The following HDAC9 variants were observed in gnomAD, a reference collection of about 807,000 sequenced individuals.
HDAC9 encodes histone deacetylase 9.
A neutral mutation model predicts 139.4 loss-of-function variants in HDAC9; 41 were observed. The observed-to-expected ratio is 0.29, with a 90% CI of 0.23 to 0.38. HDAC9 has a LOEUF of 0.38. Among genes scored for constraint, HDAC9 ranks in the 10% least tolerant of loss-of-function variants. HDAC9 has a pLI of 1.00. For missense variants in HDAC9, 1,147 were observed against 1,297.0 expected (o/e 0.88, Z 1.78); for synonymous variants, 517 against 476.2 (o/e 1.09, Z -1.12).
intron 1 of HDAC9, among the ~76,000 whole-genome samples, chr7:18,392,254 TTCTA>T (rs1786558370): frequency 7.2e-6 from 1 of 138,240 alleles, no homozygotes; most frequent in African/African-American, 2.7e-5. Context: ...TACATTCTCT[TTCTA>T]TCTCTGTCTC....
At chr7:18,716,047 C>T (rs371431464) in intron 12 of HDAC9, among the ~76,000 whole-genome samples, 17 of 152,296 alleles carry the variant, frequency 1.1e-4, no homozygotes, top group South Asian at 6.2e-4. Flanking sequence ...TATATCCAGA[C>T]TCTAATTATC....
At chr7:18,937,363 T>A (rs1048422362) in intron 23 of HDAC9, among the ~76,000 whole-genome samples, 16 of 152,242 alleles carry the variant, frequency 1.1e-4, no homozygotes, top group African/African-American at 3.4e-4. Context: ...GACAGCACAG[T>A]AACTCAAAGG....
intron 1 of HDAC9, among the ~76,000 whole-genome samples, chr7:18,380,114 A>G (rs1464637179): frequency 6.6e-6 from 1 of 152,260 alleles, no homozygotes; most frequent in East Asian, 1.9e-4. Flanking sequence ...ATCAAATTTT[A>G]CTTTAAAAGG....
intron 2 of HDAC9, among the ~76,000 whole-genome samples, chr7:18,258,720 T>C (rs1385632922): frequency 6.6e-6 from 1 of 152,216 alleles, no homozygotes; most frequent in Non-Finnish European, 1.5e-5. Flanking sequence ...AAATTCAGTT[T>C]ACACTTCTGA....
chr7:18,578,441 G>T (rs896244045), intron 2 of HDAC9, among the ~76,000 whole-genome samples: 1 of 152,120 alleles, frequency 6.6e-6, no homozygotes, highest in Non-Finnish European at 1.5e-5. Context: ...CAGTAGCTTT[G>T]CTCTGTAGGC....
At chr7:18,422,302 A>C (rs1789692458) in intron 1 of HDAC9, among the ~76,000 whole-genome samples, 1 of 152,144 alleles carries the variant, frequency 6.6e-6, no homozygotes, top group Non-Finnish European at 1.5e-5. Context: ...TAAAGGAAAC[A>C]CGGTCTAGTT....
chr7:18,969,746 A>G (rs148435619), intron 24 of HDAC9, among the ~76,000 whole-genome samples: 310 of 152,342 alleles, frequency 2.0e-3, no homozygotes, highest in African/African-American at 7.0e-3. Context: ...CATATTATGC[A>G]GTACAGAAGA....
intron 1 of HDAC9, among the ~76,000 whole-genome samples, chr7:18,332,499 T>C (rs1234526111): frequency 6.6e-6 from 1 of 151,444 alleles, no homozygotes; most frequent in Admixed American, 6.6e-5. Context: ...AAATTAAAAA[T>C]ACTTAAAATT....
chr7:18,561,758 T>C (rs1820685121), intron 2 of HDAC9, among the ~76,000 whole-genome samples: 1 of 152,224 alleles, frequency 6.6e-6, no homozygotes, highest in Admixed American at 6.5e-5. Context: ...TTACCCATAT[T>C]GTAGCATGTA....
chr7:18,990,092 G>T (rs969177463), intron 25 of HDAC9, among the ~76,000 whole-genome samples: 50 of 152,142 alleles, frequency 3.3e-4, no homozygotes, highest in Non-Finnish European at 6.6e-4. Context: ...TTCCATTGCT[G>T]GTGAGGAACT....
intron 2 of HDAC9, among the ~76,000 whole-genome samples, chr7:18,259,619 C>G (rs974998916): frequency 7.2e-5 from 11 of 152,174 alleles, no homozygotes; most frequent in Non-Finnish European, 1.5e-4. Context: ...CCTACCTCAG[C>G]CTCCCAAAGT....
intron 17 of HDAC9, among the ~76,000 whole-genome samples, chr7:18,814,240 G>T (rs1020839668): frequency 2.0e-5 from 3 of 152,012 alleles, no homozygotes; most frequent in Non-Finnish European, 2.9e-5. Context: ...GGGAAATAAT[G>T]GTTCCTGAAA....
At chr7:18,476,582 C>G (rs1245264942) in intron 1 of HDAC9, among the ~76,000 whole-genome samples, 1 of 151,948 alleles carries the variant, frequency 6.6e-6, no homozygotes, top group Non-Finnish European at 1.5e-5. Context: ...TCTGGACTTT[C>G]TCTTTAAACT....
chr7:18,602,490 C>T (rs141984880), intron 6 of HDAC9, among the ~76,000 whole-genome samples: 14 of 151,034 alleles, frequency 9.3e-5, no homozygotes, highest in African/African-American at 3.4e-4. Context: ...TTTCTGCCTA[C>T]TTTAAGCTTA....
chr7:18,130,658 C>A (rs1056510157), intron 1 of HDAC9, among the ~76,000 whole-genome samples: 1 of 152,212 alleles, frequency 6.6e-6, no homozygotes, highest in African/African-American at 2.4e-5. Context: ...ACCCCTAAAT[C>A]CCTCCATTCC....
In HDAC9 at chr7:18,666,476, G is replaced by A. The variant is rs1337506884; in HGVS notation, c.1731G>A (p.Gln577=). ...GGGAGCAGGCTGCTTTTATGCAACAGGTAATAGGCAAAGATTTAGCTCCAG... is the reference window on the plus strand; with the variant it reads ...GGGAGCAGGCTGCTTTTATGCAACAAGTAATAGGCAAAGATTTAGCTCCAG... ...ESGEQAAFMQ[Q]PFLEPTHTRA... The change falls in exon 12 of 26, where the codon CAG becomes CAA. Residue 577 remains glutamine (Q), a splice_region_variant and synonymous_variant. Transcript: ENST00000686413. 1 of 1,607,170 alleles carries A rather than the reference G, an allele frequency of 6.2e-7. No individual in the cohort carries two copies. The highest frequency in any genetic ancestry group is 8.5e-7 in the Non-Finnish European group (1 of 1,176,328).
At chr7:18,672,678 T>C (rs1175768804) in intron 12 of HDAC9, among the ~76,000 whole-genome samples, 1 of 152,078 alleles carries the variant, frequency 6.6e-6, no homozygotes, top group Non-Finnish European at 1.5e-5. Flanking sequence ...AGAGTTTCAT[T>C]AATATAAATT....
rs150938059 is a variant in HDAC9 at position 18,328,980 on chromosome 7, C to G, written c.-42+38465C>G. On this transcript the variant is annotated intron_variant, in intron 1 of 3. Coordinates refer to the HDAC9 transcript ENST00000413509. ...AAATATTTTATTACTGAATCAGTCTCCTTACTCATTATTGATCTGTTCAGA... is the reference window on the plus strand; with the variant it reads ...AAATATTTTATTACTGAATCAGTCTGCTTACTCATTATTGATCTGTTCAGA... Among the ~76,000 whole-genome samples, 728 of 151,850 alleles carry G rather than the reference C, an allele frequency of 4.8e-3. 6 individuals are homozygous for G. The highest frequency in any genetic ancestry group is 0.017 in the African/African-American group (686 of 41,482).
chr7:18,126,829 TAGTTTGATTATA>T (rs1784704738), intron 1 of HDAC9, among the ~76,000 whole-genome samples: 1 of 152,190 alleles, frequency 6.6e-6, no homozygotes, highest in African/African-American at 2.4e-5. Context: ...AAGATAGTAG[TAGTTTGATTATA>T]AGCTAAGATT....
Sources: gnomAD v4.1 joint callset for allele counts (sites outside exome capture counted in the v4.1 genomes callset) on GRCh38, gnomAD v4.1.1 for gene constraint, MANE v1.5 for transcripts, NCBI Gene and HGNC (gene_info 2026-07-23, HGNC 2026-07-21) for gene names.